Variants in MEIS2 observed in about 807,000 individuals in gnomAD.
MEIS2 encodes homeobox protein Meis2.
In MEIS2, 9 loss-of-function variants were observed where a neutral mutation model predicts 58.6. The observed-to-expected ratio is 0.15, with a 90% CI of 0.09 to 0.27. The LOEUF is 0.27. Among genes scored for constraint, MEIS2 ranks in the 10% least tolerant of loss-of-function variants. The pLI, the probability that MEIS2 is intolerant of heterozygous loss-of-function variation, is 1.00. For missense variants in MEIS2, 427 were observed against 635.0 expected (o/e 0.67, Z 3.52); for synonymous variants, 221 against 228.4 (o/e 0.97, Z 0.29).
intron 7 of MEIS2, among the ~76,000 whole-genome samples, chr15:37,078,603 A>C (rs145021646): frequency 2.3e-5 from 2 of 87,848 alleles, no homozygotes; most frequent in Non-Finnish European, 4.6e-5. Context: ...GGAAAAAACA[A>C]CCAAAAAAAA....
chr15:36,948,252 G>T lies in MEIS2; in HGVS notation c.977+2072C>A, dbSNP rs557902332. 1.3e-4 allele frequency among the ~76,000 whole-genome samples: 20 copies of T among 151,930 alleles called. No homozygotes were observed. The East Asian group carries it at 3.1e-3, about 24-fold the overall frequency. Reference sequence around the variant, plus strand: ...ACCCTTGGCATTCTGTGGCAAATATGGCTCAAATAATAGAGAAACAAGAAA... The same window carrying T: ...ACCCTTGGCATTCTGTGGCAAATATTGCTCAAATAATAGAGAAACAAGAAA... On this transcript the variant is annotated intron_variant, in intron 9 of 11. Coordinates refer to ENST00000561208, the MANE Select transcript of MEIS2 (RefSeq NM_170675.5).
intron 7 of MEIS2, among the ~76,000 whole-genome samples, chr15:37,067,548 T>A (rs1047520987): frequency 6.6e-6 from 1 of 151,316 alleles, no homozygotes; most frequent in Non-Finnish European, 1.5e-5. Context: ...TCTGGTCTGC[T>A]GAGCTCACTT....
At chr15:36,920,322 T>C (rs1277746153) in intron 9 of MEIS2, among the ~76,000 whole-genome samples, 1 of 152,072 alleles carries the variant, frequency 6.6e-6, no homozygotes, top group Non-Finnish European at 1.5e-5. Flanking sequence ...GCTAGTTTTG[T>C]ATTTTTAGTA....
chr15:36,971,772 G>T (rs530684878), intron 8 of MEIS2, among the ~76,000 whole-genome samples: 24 of 152,126 alleles, frequency 1.6e-4, no homozygotes, highest in African/African-American at 5.8e-4. Flanking sequence ...TAAGCAACAT[G>T]CATTACTCTT....
chr15:37,074,559 G>C (rs1891123472), intron 7 of MEIS2, among the ~76,000 whole-genome samples: 1 of 151,878 alleles, frequency 6.6e-6, no homozygotes, highest in Non-Finnish European at 1.5e-5. Flanking sequence ...GTGAGCAAAA[G>C]TCCAAAGAGA....
intron 7 of MEIS2, among the ~76,000 whole-genome samples, chr15:37,038,543 C>A: frequency 6.6e-6 from 1 of 152,326 alleles, no homozygotes; most frequent in South Asian, 2.1e-4. Flanking sequence ...TCACTATTTA[C>A]AGACTGACAG....
In MEIS2 at chr15:36,998,358, A is replaced by G. The variant is rs561552768; in HGVS notation, c.900+38456T>C. ...ACCTCAGCCTCCCAAGCAGCTGGGA[A>G]AAGAGGTGCACACCACCACACCAGG... is the stretch of plus-strand genomic sequence containing the variant. On this transcript the variant is annotated intron_variant, in intron 8 of 11. Coordinates refer to ENST00000561208, the MANE Select transcript of MEIS2 (RefSeq NM_170675.5). Among the ~76,000 whole-genome samples the G allele has an allele frequency of 2.7e-5, 4 of 147,780 alleles. No homozygotes were observed. In the East Asian group the frequency reaches 8.3e-4, roughly 31 times the overall value.
At chr15:36,912,396 T>A (rs1010329139) in intron 9 of MEIS2, among the ~76,000 whole-genome samples, 1 of 152,254 alleles carries the variant, frequency 6.6e-6, no homozygotes, top group Non-Finnish European at 1.5e-5. Context: ...AGAGCCGTAA[T>A]GAGCTGCCTT....
At chr15:37,051,566 C>T (rs1226723942) in intron 7 of MEIS2, among the ~76,000 whole-genome samples, 2 of 152,016 alleles carry the variant, frequency 1.3e-5, no homozygotes, top group African/African-American at 4.8e-5. Flanking sequence ...TATACAACTG[C>T]CAAAACTTAT....
intron 9 of MEIS2, among the ~76,000 whole-genome samples, chr15:36,924,064 T>C (rs1026039307): frequency 6.6e-6 from 1 of 152,246 alleles, no homozygotes; most frequent in African/African-American, 2.4e-5. Flanking sequence ...CTATCTGCAA[T>C]ATCAGCAGGA....
intron 8 of MEIS2, among the ~76,000 whole-genome samples, chr15:37,023,996 G>A (rs2061617263): frequency 2.2e-5 from 3 of 134,780 alleles, no homozygotes; most frequent in Non-Finnish European, 3.1e-5. Flanking sequence ...TGCAACCTCC[G>A]CCCCCAGGGT....
At chr15:36,972,050 T>C (rs150323099) in intron 8 of MEIS2, among the ~76,000 whole-genome samples, 1 of 152,270 alleles carries the variant, frequency 6.6e-6, no homozygotes, top group Non-Finnish European at 1.5e-5. Context: ...GAGAACAATA[T>C]AGTAACAGAA....
intron 7 of MEIS2, chr15:37,051,001 A>G (rs1042000900): frequency 6.6e-6 from 1 of 152,196 alleles, no homozygotes; most frequent in Admixed American, 6.5e-5. Flanking sequence ...CAGTTTCCTC[A>G]TCTGTGAAAC....
At chr15:36,991,810 C>T (rs1174260469) in intron 8 of MEIS2, among the ~76,000 whole-genome samples, 2 of 84,136 alleles carry the variant, frequency 2.4e-5, no homozygotes, top group Admixed American at 2.1e-4. Context: ...TTTTTTGAGA[C>T]GGAGTCTCGC....
chr15:36,892,164 TCC>T lies in MEIS2; in HGVS notation c.*7_*8del. 1 of 1,612,938 alleles carries T rather than the reference TCC, an allele frequency of 6.2e-7. No individual in the cohort carries two copies. Among genetic ancestry groups the T allele is most frequent in the Non-Finnish European group, 8.5e-7 (1 of 1,179,584 alleles). On this transcript the variant is annotated 3_prime_UTR_variant, in exon 12 of 12. Coordinates refer to ENST00000561208, the MANE Select transcript of MEIS2 (RefSeq NM_170675.5). ...GCGTGTGTTTCCTTTTCCCTTGAGT[TCC>T]CTTATACTATTGGGCATGAATGTCC...
Position 36,995,956 on chromosome 15 carries a change from GATATATAT to G in MEIS2, c.900+40850_900+40857del, listed in dbSNP as rs539738718. ...TAGTTAACCATTTCCTCTAGTCTGAGATATATATATATATATATATATATATATATATA... is the reference window on the plus strand; with the variant it reads ...TAGTTAACCATTTCCTCTAGTCTGAGATATATATATATATATATATATATA... On this transcript the variant is annotated intron_variant, in intron 8 of 11. Coordinates refer to ENST00000561208, the MANE Select transcript of MEIS2 (RefSeq NM_170675.5). Among the ~76,000 whole-genome samples the G allele has an allele frequency of 2.4e-3, 274 of 112,910 alleles. 3 individuals carry two copies. Among genetic ancestry groups the G allele is most frequent in the African/African-American group, 8.7e-3 (261 of 30,054 alleles). 74.1% of individuals were successfully genotyped at this position (112,910 alleles called of 152,430 possible).
At chr15:36,969,365 A>G (rs779993935) in intron 8 of MEIS2, among the ~76,000 whole-genome samples, 9 of 152,110 alleles carry the variant, frequency 5.9e-5, no homozygotes, top group African/African-American at 2.2e-4. Flanking sequence ...CTACTGCACA[A>G]ATTTCAAAAC....
intron 7 of MEIS2, among the ~76,000 whole-genome samples, chr15:37,067,680 T>C (rs1474385058): frequency 2.0e-5 from 3 of 152,108 alleles, no homozygotes; most frequent in Non-Finnish European, 4.4e-5. Context: ...TTTGACCTCA[T>C]ACTTCTCCCA....
intron 8 of MEIS2, among the ~76,000 whole-genome samples, chr15:37,018,066 T>A (rs1157095894): frequency 6.6e-6 from 1 of 152,172 alleles, no homozygotes; most frequent in African/African-American, 2.4e-5. Flanking sequence ...ATTATCATTA[T>A]CCCTATTTTA....
Sources: gnomAD v4.1 joint callset for allele counts (sites outside exome capture counted in the v4.1 genomes callset) on GRCh38, gnomAD v4.1.1 for gene constraint, MANE v1.5 for transcripts, NCBI Gene and HGNC (gene_info 2026-07-23, HGNC 2026-07-21) for gene names.